ZNF462: variants seen among roughly 807,000 people sequenced by gnomAD.
The protein encoded by ZNF462 is zinc finger protein 462, also known as zinc finger PBX1-interacting protein.
Under a neutral mutation model 201.9 loss-of-function variants are expected in ZNF462, and 10 were observed. The ratio of observed to expected loss-of-function variants is 0.05; its 90% confidence interval spans 0.03 to 0.08. The LOEUF is 0.08. Among genes scored for constraint, ZNF462 ranks in the 10% least tolerant of loss-of-function variants. ZNF462 has a pLI of 1.00. For synonymous variants in ZNF462, 1,227 were observed against 1,193.3 expected (o/e 1.03, Z -0.58); for missense variants, 2,523 against 3,168.3 (o/e 0.80, Z 4.89).
Position 106,970,184 on chromosome 9 carries a change from T to G in ZNF462, c.6428-1821T>G, listed in dbSNP as rs1342607041. On this transcript the variant is annotated intron_variant, in intron 7 of 12. Coordinates refer to ENST00000277225, the MANE Select transcript of ZNF462 (RefSeq NM_021224.6). This position sits in a 1 kb window ranked among gnomAD's most constrained non-coding sequence, Gnocchi z 4.2. ...TAAAATGAATTCAGTTGTCATTCCT[T>G]TCTTCCTTTGTCTTCCATTTACACC... Among the ~76,000 whole-genome samples the G allele has an allele frequency of 6.6e-6, 1 of 152,206 alleles. No individual in the cohort carries two copies. The highest frequency in any genetic ancestry group is 2.4e-5 in the African/African-American group (1 of 41,450).
In ZNF462 at chr9:106,870,577, T is replaced by G. The variant is rs1478065471; in HGVS notation, c.-31+7222T>G. Among the ~76,000 whole-genome samples, 1 of 152,170 alleles carries G rather than the reference T, an allele frequency of 6.6e-6. No individual in the cohort carries two copies. Among genetic ancestry groups the G allele is most frequent in the African/African-American group, 2.4e-5 (1 of 41,428 alleles). On this transcript the variant is annotated intron_variant, in intron 1 of 12. Coordinates refer to ENST00000277225, the MANE Select transcript of ZNF462 (RefSeq NM_021224.6). This position sits in a 1 kb window ranked among gnomAD's most constrained non-coding sequence, Gnocchi z 4.3. ...TTGCTAGACCTTCACATAGACAAAT[T>G]TTAACAAAGACCACACCAGGAAAAA...
At chr9:106,951,500 T>G (rs1056773969) in intron 7 of ZNF462, among the ~76,000 whole-genome samples, 15 of 152,226 alleles carry the variant, frequency 9.9e-5, no homozygotes, top group African/African-American at 3.6e-4. Flanking sequence ...TATACTGTGC[T>G]GCACACGTTG....
intron 6 of ZNF462, among the ~76,000 whole-genome samples, chr9:106,937,717 C>A (rs1003295380): frequency 2.4e-4 from 37 of 151,748 alleles, no homozygotes; most frequent in African/African-American, 8.5e-4. Flanking sequence ...ATATATTTAG[C>A]CTTTGTATTT....
chr9:106,961,666 A>G (rs1463106504), intron 7 of ZNF462, among the ~76,000 whole-genome samples: 1 of 152,046 alleles, frequency 6.6e-6, no homozygotes, highest in Admixed American at 6.6e-5. Context: ...GGATACATGA[A>G]TGGATAGATG....
Position 106,936,697 on chromosome 9 carries a change from A to T in ZNF462, c.6235+1076A>T, listed in dbSNP as rs185921605. On this transcript the variant is annotated intron_variant, in intron 6 of 12. Transcript: ENST00000277225. Reference sequence around the variant, plus strand: ...GTTTTCTAACTTGTGTATATTGTAAATTATCCAGCTGGGACACTATCCTGG... The same window carrying T: ...GTTTTCTAACTTGTGTATATTGTAATTTATCCAGCTGGGACACTATCCTGG... 3.8e-3 allele frequency among the ~76,000 whole-genome samples: 582 copies of T among 152,288 alleles called. 3 individuals are homozygous for T. The highest frequency in any genetic ancestry group is 0.014 in the Middle Eastern group (4 of 292).
At chr9:106,961,992 T>C (rs1034502409) in intron 7 of ZNF462, among the ~76,000 whole-genome samples, 1 of 151,882 alleles carries the variant, frequency 6.6e-6, no homozygotes, top group Non-Finnish European at 1.5e-5. Flanking sequence ...ATGGAAACAG[T>C]GTGGGCAAGG....
In ZNF462 at chr9:106,935,452, A is replaced by G. The variant is rs763253284; in HGVS notation, c.6117-51A>G. On this transcript the variant is annotated intron_variant, in intron 5 of 12. Coordinates refer to ENST00000277225, the MANE Select transcript of ZNF462 (RefSeq NM_021224.6). This position sits in a 1 kb window ranked among gnomAD's most constrained non-coding sequence, Gnocchi z 4.1. ...AAAAAAAGCAATGAGCAAATCCTCT[A>G]TGCAATTTTTAATTTTGTCATTTTT... is the stretch of plus-strand genomic sequence containing the variant. The G allele has an allele frequency of 2.0e-6, 3 of 1,531,322 alleles. No homozygotes were observed. The highest frequency in any genetic ancestry group is 2.7e-6 in the Non-Finnish European group (3 of 1,105,832). The allele number at this position is 1,531,322 out of a possible 1,614,324, so 94.9% of individuals were successfully genotyped here.
At position 106,978,331 on chromosome 9, in the gene ZNF462, A is replaced by C. The variant is rs1827166842; in HGVS notation, c.6832+4058A>C. ...TTATTAGACATTTCCGGGGTCCTGA[A>C]GAGAATAGGAAGCATACCAGAGAAG... On this transcript the variant is annotated intron_variant, in intron 9 of 12. Transcript: ENST00000277225. This position sits in a 1 kb window ranked among gnomAD's most constrained non-coding sequence, Gnocchi z 4.1. Among the ~76,000 whole-genome samples, 1 of 151,628 alleles carries C rather than the reference A, an allele frequency of 6.6e-6. No individual in the cohort carries two copies. The highest frequency in any genetic ancestry group is 1.5e-5 in the Non-Finnish European group (1 of 68,032).
chr9:106,916,901 C>T (rs1199552744), intron 1 of ZNF462, among the ~76,000 whole-genome samples: 1 of 152,218 alleles, frequency 6.6e-6, no homozygotes, highest in Non-Finnish European at 1.5e-5. Context: ...GCAAGTTCCC[C>T]TTTACAGACA....
At chr9:106,864,092 CTCT>C (rs1564062700) in intron 1 of ZNF462, among the ~76,000 whole-genome samples, 15 of 131,182 alleles carry the variant, frequency 1.1e-4, no homozygotes, top group African/African-American at 4.0e-4. Flanking sequence ...CTCTCTCTCT[CTCT>C]CTCTCTCTCT....
chr9:107,009,764 C>A lies in ZNF462; in HGVS notation c.7313+96C>A, dbSNP rs2132789103. 6.6e-7 allele frequency: 1 copy of A among 1,525,210 alleles called. No homozygotes were observed. The highest frequency in any genetic ancestry group is 8.9e-7 in the Non-Finnish European group (1 of 1,125,250). 94.5% of individuals were successfully genotyped at this position (1,525,210 alleles called of 1,614,324 possible). A position where few individuals can be genotyped will look rare whatever the true frequency, so the allele number is the denominator to read the frequency against. The stretch of plus-strand genomic sequence containing the variant: ...TTGGTTCCCCTGACAGTATGTACAC[C>A]CCTCTGTGTCACATTTCTGGGCCGT... On this transcript the variant is annotated intron_variant, in intron 12 of 12. Transcript: ENST00000277225. This position sits in a 1 kb window ranked among gnomAD's most constrained non-coding sequence, Gnocchi z 6.1.
At chr9:106,953,130 C>A (rs949348845) in intron 7 of ZNF462, among the ~76,000 whole-genome samples, 43 of 152,206 alleles carry the variant, frequency 2.8e-4, no homozygotes, top group African/African-American at 1.0e-3. Flanking sequence ...AAGGAAAAAA[C>A]CAATAATCCC....
chr9:106,885,001 GT>G lies in ZNF462; in HGVS notation c.-31+21647del, dbSNP rs1317718031. 6.6e-6 allele frequency among the ~76,000 whole-genome samples: 1 copy of G among 152,206 alleles called. No homozygotes were observed. The highest frequency in any genetic ancestry group is 1.5e-5 in the Non-Finnish European group (1 of 68,040). ...TAGATGTTTCTTCAAAAGATAAGAAGTAACTTGGAGAGGTTAAGATTCTGCT... is the reference window on the plus strand; with the variant it reads ...TAGATGTTTCTTCAAAAGATAAGAAGAACTTGGAGAGGTTAAGATTCTGCT... On this transcript the variant is annotated intron_variant, in intron 1 of 12. Transcript: ENST00000277225. This position sits in a 1 kb window ranked among gnomAD's most constrained non-coding sequence, Gnocchi z 4.1.
At chr9:106,875,648 T>C (rs2130876171) in intron 1 of ZNF462, among the ~76,000 whole-genome samples, 1 of 152,308 alleles carries the variant, frequency 6.6e-6, no homozygotes, top group East Asian at 1.9e-4. Context: ...AGGGACGTTG[T>C]TTACTGTTTA....
intron 7 of ZNF462, among the ~76,000 whole-genome samples, chr9:106,955,123 C>G (rs1056146000): frequency 1.3e-5 from 2 of 152,072 alleles, no homozygotes; most frequent in African/African-American, 4.8e-5. Context: ...GTGTGTGTTG[C>G]TGTAATCTCC....
Position 106,932,608 on chromosome 9 carries a change from A to G in ZNF462, c.6116+59A>G. On this transcript the variant is annotated intron_variant, in intron 5 of 12. Coordinates refer to ENST00000277225, the MANE Select transcript of ZNF462 (RefSeq NM_021224.6). This position sits in a 1 kb window ranked among gnomAD's most constrained non-coding sequence, Gnocchi z 6.8. ...GGGAGATGATGTCATAGTGGAAGGC[A>G]CTAAGCTAAAGCAGAAGCTTGGATG... 1.2e-5 allele frequency: 20 copies of G among 1,610,514 alleles called. No homozygotes were observed. The highest frequency in any genetic ancestry group is 1.7e-5 in the Non-Finnish European group (20 of 1,177,600).
chr9:106,945,546 A>G (rs1284516829), intron 7 of ZNF462, among the ~76,000 whole-genome samples: 3 of 152,222 alleles, frequency 2.0e-5, no homozygotes, highest in African/African-American at 7.2e-5. Flanking sequence ...TCCCAAGTGA[A>G]TAATTAATTG....
chr9:106,879,336 C>CCA (rs1554693618), intron 1 of ZNF462, among the ~76,000 whole-genome samples: 3 of 104,390 alleles, frequency 2.9e-5, no homozygotes, highest in African/African-American at 1.1e-4. Context: ...CTTTCCACCC[C>CCA]CCCCCCCACC....
intron 11 of ZNF462, among the ~76,000 whole-genome samples, chr9:107,004,814 T>G (rs1438586559): frequency 6.6e-6 from 1 of 152,138 alleles, no homozygotes; most frequent in Non-Finnish European, 1.5e-5. Flanking sequence ...AATAGATCTC[T>G]TGAGCTTATT....
Sources: allele counts gnomAD v4.1 joint callset (sites outside exome capture counted in the v4.1 genomes callset), GRCh38; gene constraint gnomAD v4.1.1; non-coding constraint Gnocchi (gnomAD v3.1); transcripts MANE v1.5; gene names NCBI Gene and HGNC (gene_info 2026-07-23, HGNC 2026-07-21).